The following MAP3K20 variants were observed in gnomAD, a reference collection of about 807,000 sequenced individuals.
MAP3K20 encodes mitogen-activated protein kinase kinase kinase 20, also known as HCCS-4.
In MAP3K20, 40 loss-of-function variants were observed where a neutral mutation model predicts 85.7. The ratio of observed to expected loss-of-function variants is 0.47; its 90% confidence interval spans 0.36 to 0.61. The LOEUF (loss-of-function observed/expected upper bound fraction) is 0.61, where lower values mean the gene tolerates loss of function less well. MAP3K20 is among the 20% of genes least tolerant of loss of function. The pLI, the probability that MAP3K20 is intolerant of heterozygous loss-of-function variation, is 0.00. For missense variants in MAP3K20, 817 were observed against 961.7 expected (o/e 0.85, Z 1.99); for synonymous variants, 325 against 327.7 (o/e 0.99, Z 0.09).
chr2:173,135,984 T>C (rs906204576), intron 2 of MAP3K20, among the ~76,000 whole-genome samples: 1 of 152,230 alleles, frequency 6.6e-6, no homozygotes, highest in Non-Finnish European at 1.5e-5. Context: ...AAGTGGTTGG[T>C]AAATAGTGAA....
intron 7 of MAP3K20, among the ~76,000 whole-genome samples, chr2:173,191,839 A>T (rs533570899): frequency 3.3e-5 from 5 of 152,182 alleles, no homozygotes; most frequent in African/African-American, 9.7e-5. Flanking sequence ...ACAGGAATGA[A>T]TCCGTTAAGG....
chr2:173,160,665 A>G (rs980696411), intron 2 of MAP3K20, among the ~76,000 whole-genome samples: 4 of 152,196 alleles, frequency 2.6e-5, no homozygotes, highest in African/African-American at 9.6e-5. Context: ...TTTTGACGTT[A>G]TAGATTTGTA....
intron 19 of MAP3K20, among the ~76,000 whole-genome samples, chr2:173,265,581 T>C (rs1159354094): frequency 6.6e-6 from 1 of 152,176 alleles, no homozygotes; most frequent in East Asian, 1.9e-4. Context: ...AAAATGCAGG[T>C]GGCAAAACAA....
At chr2:173,092,511 C>T (rs1364854029) in intron 2 of MAP3K20, among the ~76,000 whole-genome samples, 1 of 152,154 alleles carries the variant, frequency 6.6e-6, no homozygotes, top group East Asian at 1.9e-4. Context: ...TATTAAGCTG[C>T]CCCAGGAGGG....
chr2:173,257,536 A>T (rs1165592828), intron 16 of MAP3K20, among the ~76,000 whole-genome samples: 3 of 152,166 alleles, frequency 2.0e-5, no homozygotes, highest in African/African-American at 7.2e-5. Context: ...ATTCCATTCT[A>T]TGCATATATC....
intron 1 of MAP3K20, among the ~76,000 whole-genome samples, chr2:173,076,848 G>A (rs1206895237): frequency 6.6e-6 from 1 of 152,206 alleles, no homozygotes; most frequent in Non-Finnish European, 1.5e-5. Context: ...CCGTCGCCTC[G>A]TCTGGCCTCG....
At chr2:173,124,805 A>C (rs1307224661) in intron 2 of MAP3K20, among the ~76,000 whole-genome samples, 1 of 152,168 alleles carries the variant, frequency 6.6e-6, no homozygotes, top group Non-Finnish European at 1.5e-5. Context: ...CGACCCTTCC[A>C]TGCCTCTATT....
At chr2:173,133,333 A>G (rs1351610397) in intron 2 of MAP3K20, among the ~76,000 whole-genome samples, 1 of 152,180 alleles carries the variant, frequency 6.6e-6, no homozygotes, top group Non-Finnish European at 1.5e-5. Context: ...CCAAATTAAC[A>G]CTAAGTTCTT....
At position 173,266,142 on chromosome 2, in the gene MAP3K20, T is replaced by A. The variant is rs1440753681; in HGVS notation, c.1795T>A (p.Ser599Thr). 1 of 1,613,786 alleles carries A rather than the reference T, an allele frequency of 6.2e-7. No homozygotes were observed. Among genetic ancestry groups the A allele is most frequent in the Non-Finnish European group, 8.5e-7 (1 of 1,179,914 alleles). Residue 599 changes from serine to threonine, a missense_variant, in exon 20 of 20, where the codon TCA becomes ACA. Transcript: ENST00000375213. ...QRSQSNPILG[S>T]PFFSHFDGQD... ...TTCCCAGAGCAATCCTATTCTGGGG[T>A]CACCGTTCTTCTCACACTTTGATGG...
intron 7 of MAP3K20, among the ~76,000 whole-genome samples, chr2:173,195,825 G>GTAAC (rs542043471): frequency 5.7e-4 from 87 of 152,236 alleles, no homozygotes; most frequent in Non-Finnish European, 1.0e-3. Flanking sequence ...CATCCATCAA[G>GTAAC]TAACTCCCTC....
At chr2:173,214,490 G>A (rs1005057325) in intron 10 of MAP3K20, 1 of 152,156 alleles carries the variant, frequency 6.6e-6, no homozygotes, top group South Asian at 2.1e-4. Flanking sequence ...TCACCATGAC[G>A]TGCGTTCTTA....
At chr2:173,252,606 C>T (rs929712040) in intron 16 of MAP3K20, among the ~76,000 whole-genome samples, 4 of 152,310 alleles carry the variant, frequency 2.6e-5, no homozygotes, top group African/African-American at 7.2e-5. Context: ...TGGAAAGTTC[C>T]GGGTAACTAC....
At position 173,266,177 on chromosome 2, in the gene MAP3K20, C is replaced by T; in HGVS notation, c.1830C>T (p.Ser610=). 3.7e-6 allele frequency: 6 copies of T among 1,614,066 alleles called. No individual in the cohort carries two copies. The highest frequency in any genetic ancestry group is 5.1e-6 in the Non-Finnish European group (6 of 1,180,006). The change falls in exon 20 of 20, where the codon TCC becomes TCT. Residue 610 remains serine, a synonymous_variant. Transcript: ENST00000375213. The part of the protein sequence containing the change: ...PFFSHFDGQD[S]YAAAVRRPQV... ...TCTCACACTTTGATGGCCAGGATTC[C>T]TACGCTGCTGCTGTGAGACGGCCCC...
At chr2:173,152,062 C>T (rs74318304) in intron 2 of MAP3K20, among the ~76,000 whole-genome samples, 1 of 152,138 alleles carries the variant, frequency 6.6e-6, no homozygotes, top group Non-Finnish European at 1.5e-5. Context: ...GCTTCATAGC[C>T]CATGATTTTT....
intron 2 of MAP3K20, among the ~76,000 whole-genome samples, chr2:173,108,104 T>G (rs1687836022): frequency 6.6e-6 from 1 of 152,136 alleles, no homozygotes; most frequent in African/African-American, 2.4e-5. Flanking sequence ...ATTTACTTAC[T>G]ATATTTTGTG....
intron 2 of MAP3K20, among the ~76,000 whole-genome samples, chr2:173,117,756 C>T (rs557312945): frequency 1.3e-3 from 204 of 152,286 alleles, no homozygotes; most frequent in African/African-American, 4.9e-3. Flanking sequence ...TTTTTGGCTA[C>T]AGAAATTTTT....
chr2:173,166,986 C>A (rs1689848361), intron 2 of MAP3K20: 1 of 144,652 alleles, frequency 6.9e-6, no homozygotes, highest in Admixed American at 7.2e-5. Flanking sequence ...TATCTTGGCT[C>A]ACTGCAAGCT....
At chr2:173,256,695 C>T (rs1685171154) in intron 16 of MAP3K20, among the ~76,000 whole-genome samples, 1 of 152,120 alleles carries the variant, frequency 6.6e-6, no homozygotes, top group African/African-American at 2.4e-5. Context: ...CCTCCTAGCC[C>T]CCATTCAACC....
intron 3 of MAP3K20, among the ~76,000 whole-genome samples, chr2:173,170,894 T>C (rs1689980197): frequency 6.6e-6 from 1 of 152,214 alleles, no homozygotes; most frequent in East Asian, 1.9e-4. Flanking sequence ...GCTCCTCTTC[T>C]ATGCAAGCTA....
Sources: allele counts gnomAD v4.1 joint callset (sites outside exome capture counted in the v4.1 genomes callset), GRCh38; gene constraint gnomAD v4.1.1; transcripts MANE v1.5; gene names NCBI Gene and HGNC (gene_info 2026-07-23, HGNC 2026-07-21).